ZNF578: variants seen among roughly 807,000 people sequenced by gnomAD.
ZNF578 encodes the protein Putative chemokine-related protein B42.
Under a neutral mutation model 8.3 loss-of-function variants are expected in ZNF578, and 8 were observed. The observed-to-expected ratio is 0.96, with a 90% CI of 0.56 to 1.74. The LOEUF (loss-of-function observed/expected upper bound fraction) is 1.74, where lower values mean the gene tolerates loss of function less well. Among genes scored for constraint, ZNF578 ranks in the 40% most tolerant of loss-of-function variants. The probability of loss-of-function intolerance (pLI) is 0.00; values close to 1 mark genes in which losing one functional copy is unlikely to be tolerated. For missense variants in ZNF578, 726 were observed against 707.5 expected (o/e 1.03, Z -0.30); for synonymous variants, 206 against 232.2 (o/e 0.89, Z 1.03).
In ZNF578 at chr19:52,511,504, G is replaced by A. The variant is rs2059446486; in HGVS notation, c.1123G>A (p.Glu375Lys). ...HTGIKPYKCN[E>K]CGKMFGQNST... ...TGGAATAAAACCTTACAAGTGTAAT[G>A]AGTGTGGCAAGATGTTTGGTCAAAA... Residue 375 changes from glutamate (E) to lysine (K), a missense_variant, in exon 6 of 6, where the codon GAG becomes AAG. Glu to Lys is a moderately conservative substitution (Grantham distance 56). Transcript: ENST00000421239. 6.2e-7 allele frequency: 1 copy of A among 1,613,808 alleles called. No individual in the cohort carries two copies.
intron 2 of ZNF578, among the ~76,000 whole-genome samples, chr19:52,479,321 G>T (rs1169200587): frequency 6.6e-6 from 1 of 151,878 alleles, no homozygotes; most frequent in Non-Finnish European, 1.5e-5. Context: ...AGATCATGAG[G>T]TCAGGAGATC....
At chr19:52,464,066 A>G (rs2059266878) in intron 2 of ZNF578, among the ~76,000 whole-genome samples, 1 of 152,182 alleles carries the variant, frequency 6.6e-6, no homozygotes, top group South Asian at 2.1e-4. Context: ...TCAGTGCCAC[A>G]AAGTTTAACA....
intron 4 of ZNF578, among the ~76,000 whole-genome samples, chr19:52,502,192 G>A (rs1445207002): frequency 1.3e-5 from 2 of 152,174 alleles, no homozygotes; most frequent in Non-Finnish European, 2.9e-5. Flanking sequence ...CATGGGGTGT[G>A]GGCCCGTTGA....
At chr19:52,505,892 A>T (rs1336958410) in intron 5 of ZNF578, among the ~76,000 whole-genome samples, 1 of 150,982 alleles carries the variant, frequency 6.6e-6, no homozygotes, top group Non-Finnish European at 1.5e-5. Flanking sequence ...TCAACTTGTT[A>T]GTTTCTATGT....
Position 52,500,524 on chromosome 19 carries a change from A to G in ZNF578, c.-19-1303A>G, listed in dbSNP as rs537650960. Among the ~76,000 whole-genome samples the G allele has an allele frequency of 7.1e-4, 107 of 150,782 alleles. 4 individuals are homozygous for G. In the South Asian group the frequency reaches 0.021, roughly 30 times the overall value. On this transcript the variant is annotated intron_variant, in intron 3 of 5. Coordinates refer to ENST00000421239, the MANE Select transcript of ZNF578 (RefSeq NM_001099694.2). ...TGGGTTCAAGTGATTCTCCTCCCTC[A>G]GCTTCCCAAGTAGATGCCCAGATCA...
At chr19:52,489,103 C>A (rs2059356093) in intron 2 of ZNF578, among the ~76,000 whole-genome samples, 1 of 151,570 alleles carries the variant, frequency 6.6e-6, no homozygotes, top group Non-Finnish European at 1.5e-5. Flanking sequence ...CGTCTGCCCC[C>A]CCTAAAAAAA....
rs1295124026 is a variant in ZNF578, at chr19:52,512,607, G to T, written c.*453G>T. The stretch of plus-strand genomic sequence containing the variant: ...GAGAGAAATGTCACAAGTGTGATGA[G>T]TGTTGCAAAGCCTTTACTTCATGTT... On this transcript the variant is annotated 3_prime_UTR_variant, in exon 6 of 6. Transcript: ENST00000421239. Among the ~76,000 whole-genome samples the T allele has an allele frequency of 2.0e-5, 3 of 152,176 alleles. No individual in the cohort carries two copies. The highest frequency in any genetic ancestry group is 1.9e-4 in the East Asian group (1 of 5,190).
rs1420448203 is a variant in ZNF578 at position 52,501,823 on chromosome 19, A to G, written c.-19-4A>G. On this transcript the variant is annotated splice_region_variant and splice_polypyrimidine_tract_variant and intron_variant, in intron 3 of 5. Coordinates refer to ENST00000421239, the MANE Select transcript of ZNF578 (RefSeq NM_001099694.2). ...CTGAAGTCTTATTTTTCTTCCACAT[A>G]CAGGATTGATTTCTAAAGACTCATG... 3 of 1,611,902 alleles carry G rather than the reference A, an allele frequency of 1.9e-6. No individual in the cohort carries two copies. Among genetic ancestry groups the G allele is most frequent in the South Asian group, 2.2e-5 (2 of 90,834 alleles).
chr19:52,507,379 T>C (rs1339877691), intron 5 of ZNF578, among the ~76,000 whole-genome samples: 3 of 151,712 alleles, frequency 2.0e-5, no homozygotes, highest in Non-Finnish European at 4.4e-5. Context: ...CAGAGTTAGA[T>C]TCCGTTTGCC....
intron 4 of ZNF578, among the ~76,000 whole-genome samples, chr19:52,504,354 G>A (rs75375691): frequency 0.17 from 25,503 of 152,044 alleles, 2,636 homozygotes; most frequent in Non-Finnish European, 0.23. Context: ...GCCTCCCGAA[G>A]CATTGGTATT....
chr19:52,454,096 A>T (rs1314580488), intron 1 of ZNF578: 1 of 151,774 alleles, frequency 6.6e-6, no homozygotes, highest in Non-Finnish European at 1.5e-5. Flanking sequence ...CACAACCCAC[A>T]TTCCTTACCC....
chr19:52,500,815 G>A (rs1167223150), intron 3 of ZNF578, among the ~76,000 whole-genome samples: 1 of 151,224 alleles, frequency 6.6e-6, no homozygotes, highest in African/African-American at 2.4e-5. Context: ...TTTCCCTTTT[G>A]CTTAGTGATT....
chr19:52,491,136 T>C (rs2059363681), intron 2 of ZNF578, among the ~76,000 whole-genome samples, 188 bp from the exon 3 acceptor site: 1 of 152,146 alleles, frequency 6.6e-6, no homozygotes, highest in Non-Finnish European at 1.5e-5. Context: ...TCCATAGAAA[T>C]GATTTGAAGG....
intron 2 of ZNF578, among the ~76,000 whole-genome samples, chr19:52,484,823 A>G (rs1234073374): frequency 2.7e-5 from 4 of 150,370 alleles, no homozygotes; most frequent in South Asian, 4.2e-4. Flanking sequence ...CCCAAATCCT[A>G]TAAAACGGCC....
chr19:52,472,835 C>A (rs1226718149), intron 2 of ZNF578, among the ~76,000 whole-genome samples: 1 of 152,144 alleles, frequency 6.6e-6, no homozygotes. Flanking sequence ...CAAAAAACCT[C>A]CCAAATAATT....
chr19:52,488,323 G>C (rs2059352710), intron 2 of ZNF578, among the ~76,000 whole-genome samples: 1 of 151,916 alleles, frequency 6.6e-6, no homozygotes. Flanking sequence ...GGGAGACAGA[G>C]GTGGGTGGAT....
chr19:52,492,132 T>G (rs1307014025), intron 3 of ZNF578, among the ~76,000 whole-genome samples: 45 of 117,742 alleles, frequency 3.8e-4, no homozygotes, highest in Non-Finnish European at 5.5e-4. Context: ...CACTCCAGCC[T>G]GGGCGACAGA....
intron 2 of ZNF578, among the ~76,000 whole-genome samples, chr19:52,485,957 A>G (rs1228422445): frequency 6.6e-6 from 1 of 152,104 alleles, no homozygotes; most frequent in African/African-American, 2.4e-5. Flanking sequence ...GACACCCATA[A>G]ATGGTCTGTG....
intron 2 of ZNF578, among the ~76,000 whole-genome samples, chr19:52,477,193 G>C (rs1007120294): frequency 5.9e-5 from 9 of 152,164 alleles, no homozygotes; most frequent in African/African-American, 2.2e-4. Context: ...ATGCCAGGGG[G>C]AGCTTTGGTA....
Sources: gnomAD v4.1 joint callset for allele counts (sites outside exome capture counted in the v4.1 genomes callset) on GRCh38, gnomAD v4.1.1 for gene constraint, MANE v1.5 for transcripts, NCBI Gene and HGNC (gene_info 2026-07-23, HGNC 2026-07-21) for gene names.